CYRIA: variants seen among roughly 807,000 people sequenced by gnomAD.
CYRIA encodes the protein CYFIP related Rac1 interactor A.
In CYRIA, 15 loss-of-function variants were observed where a neutral mutation model predicts 43.9. That is an observed-to-expected ratio of 0.34 (90% CI 0.23 to 0.53). CYRIA has a LOEUF of 0.53. Ranked by LOEUF, CYRIA falls within the 20% of genes least tolerant of loss-of-function variation. The probability of loss-of-function intolerance (pLI) is 0.94; values close to 1 mark genes in which losing one functional copy is unlikely to be tolerated. For missense variants in CYRIA, 236 were observed against 394.2 expected, an observed-to-expected ratio of 0.60 and a Z score of 3.40; for synonymous variants, 117 against 136.0, an observed-to-expected ratio of 0.86 and a Z score of 0.97.
chr2:16,645,556 A>T (rs1417658285), intron 1 of CYRIA, among the ~76,000 whole-genome samples: 1 of 152,342 alleles, frequency 6.6e-6, no homozygotes, highest in African/African-American at 2.4e-5. Context: ...CACGAGCCAC[A>T]TGTATTCTAC....
At chr2:16,625,415 G>A (rs1669132375) in intron 1 of CYRIA, among the ~76,000 whole-genome samples, 1 of 152,092 alleles carries the variant, frequency 6.6e-6, no homozygotes, top group South Asian at 2.1e-4. Flanking sequence ...AAAACAGGAA[G>A]TGAAGTGGGG....
chr2:16,555,267 C>A, intron 10 of CYRIA, 128 bp from the exon 11 acceptor site: 1 of 885,614 alleles, frequency 1.1e-6, no homozygotes, highest in South Asian at 1.7e-5. Flanking sequence ...CAGAAATGAC[C>A]AACAGGTTTT....
chr2:16,665,552 G>A (rs572158561), intron 1 of CYRIA, among the ~76,000 whole-genome samples: 53 of 152,134 alleles, frequency 3.5e-4, no homozygotes, highest in African/African-American at 1.2e-3. Context: ...GAGGGCAACG[G>A]GGCACAAAGC....
At chr2:16,637,649 G>T (rs1572195379) in intron 1 of CYRIA, among the ~76,000 whole-genome samples, 1 of 152,126 alleles carries the variant, frequency 6.6e-6, no homozygotes, top group African/African-American at 2.4e-5. Flanking sequence ...AAATAATTTT[G>T]CCACATATTA....
At chr2:16,639,027 A>G (rs1356114200) in intron 1 of CYRIA, among the ~76,000 whole-genome samples, 1 of 152,258 alleles carries the variant, frequency 6.6e-6, no homozygotes, top group Non-Finnish European at 1.5e-5. Flanking sequence ...TCAAGGCTGC[A>G]TACAGAAAAT....
intron 1 of CYRIA, among the ~76,000 whole-genome samples, chr2:16,631,648 T>C (rs1669332379): frequency 6.6e-6 from 1 of 152,170 alleles, no homozygotes; most frequent in African/African-American, 2.4e-5. Context: ...CATTCCAGGG[T>C]CATTAGGGAT....
chr2:16,636,220 G>C (rs1669494268), intron 1 of CYRIA, among the ~76,000 whole-genome samples: 1 of 152,088 alleles, frequency 6.6e-6, no homozygotes, highest in Non-Finnish European at 1.5e-5. Flanking sequence ...GCAGATGACA[G>C]AACACAGGAC....
At chr2:16,661,681 T>C (rs955542857) in intron 1 of CYRIA, among the ~76,000 whole-genome samples, 1 of 152,214 alleles carries the variant, frequency 6.6e-6, no homozygotes, top group Non-Finnish European at 1.5e-5. Context: ...GTTCCACCCC[T>C]GTTAAAATCT....
rs140453244 is a variant in CYRIA at position 16,655,297 on chromosome 2, C to T, written c.-167+10483G>A. Among the ~76,000 whole-genome samples the T allele has an allele frequency of 7.9e-4, 120 of 152,274 alleles. 3 individuals carry two copies. The East Asian group carries it at 0.016, about 20-fold the overall frequency. ...GTGTGGGGCCTAGTGTGTGGGCTTGCCTCACCAACCCAGGAATGGCTTTAG... is the reference window on the plus strand; with the variant it reads ...GTGTGGGGCCTAGTGTGTGGGCTTGTCTCACCAACCCAGGAATGGCTTTAG... On this transcript the variant is annotated intron_variant, in intron 1 of 11. Transcript: ENST00000381323.
At chr2:16,651,009 C>T (rs776245751) in intron 1 of CYRIA, among the ~76,000 whole-genome samples, 8 of 152,128 alleles carry the variant, frequency 5.3e-5, no homozygotes, top group Admixed American at 1.3e-4. Context: ...TTTATTTAGA[C>T]GCATTTCAGG....
chr2:16,565,175 CTT>C (rs367672971), intron 4 of CYRIA, among the ~76,000 whole-genome samples: 69 of 139,588 alleles, frequency 4.9e-4, no homozygotes, highest in African/African-American at 8.2e-4. Context: ...GATTCATGCT[CTT>C]TTTTTTTTTT....
chr2:16,567,324 A>C (rs1246070634), intron 3 of CYRIA, among the ~76,000 whole-genome samples: 2 of 152,148 alleles, frequency 1.3e-5, no homozygotes, highest in East Asian at 3.9e-4. Context: ...GAATTGCTTG[A>C]ATCCTGGAGG....
At chr2:16,563,915 T>C (rs1666836414) in intron 5 of CYRIA, 74 bp downstream of exon 5, 1 of 1,076,670 alleles carries the variant, frequency 9.3e-7, no homozygotes, top group East Asian at 2.5e-5. Context: ...TATGCCACGC[T>C]GTTCCCACTA....
At chr2:16,576,744 A>T (rs1221400880) in intron 3 of CYRIA, among the ~76,000 whole-genome samples, 1 of 152,216 alleles carries the variant, frequency 6.6e-6, no homozygotes, top group African/African-American at 2.4e-5. Flanking sequence ...AATGTGAAAA[A>T]TTGAACCAAA....
At chr2:16,600,813 T>C (rs114147789) in intron 2 of CYRIA, among the ~76,000 whole-genome samples, 107 of 152,266 alleles carry the variant, frequency 7.0e-4, no homozygotes, top group African/African-American at 2.6e-3. Flanking sequence ...AAACATCAGG[T>C]AGCTATAATT....
rs538177894 is a variant in CYRIA, at chr2:16,630,141, G to T, written c.-166-6122C>A. On this transcript the variant is annotated intron_variant, in intron 1 of 11. Coordinates refer to ENST00000381323, the MANE Select transcript of CYRIA (RefSeq NM_030797.4). ...TCACCTGGATGTTCTACCAGCCCTC[G>T]CCCCACTCTTGCTGGAAATGGCAGT... Among the ~76,000 whole-genome samples, 98 of 152,250 alleles carry T rather than the reference G, an allele frequency of 6.4e-4. 1 individual carries two copies. Among genetic ancestry groups the T allele is most frequent in the African/African-American group, 2.3e-3 (96 of 41,534 alleles).
At chr2:16,554,444 T>A (rs1471947582) in intron 11 of CYRIA, among the ~76,000 whole-genome samples, 1 of 152,168 alleles carries the variant, frequency 6.6e-6, no homozygotes, top group Non-Finnish European at 1.5e-5. Context: ...GCATCACTTG[T>A]TAGCAGTGAG....
intron 10 of CYRIA, among the ~76,000 whole-genome samples, chr2:16,558,090 G>A (rs1666591865): frequency 6.6e-6 from 1 of 152,090 alleles, no homozygotes; most frequent in African/African-American, 2.4e-5. Context: ...GTCCACACAA[G>A]CATCTATACT....
intron 2 of CYRIA, among the ~76,000 whole-genome samples, chr2:16,599,552 C>G: frequency 1.5e-5 from 2 of 133,776 alleles, no homozygotes; most frequent in South Asian, 2.7e-4. Context: ...TGACCCCTTG[C>G]GCTTCCCAGG....
Sources: gnomAD v4.1 joint callset for allele counts (sites outside exome capture counted in the v4.1 genomes callset) on GRCh38, gnomAD v4.1.1 for gene constraint, MANE v1.5 for transcripts, NCBI Gene and HGNC (gene_info 2026-07-23, HGNC 2026-07-21) for gene names.